LRP1B: variants seen among roughly 807,000 people sequenced by gnomAD.
LRP1B encodes low-density lipoprotein receptor-related protein 1B.
In LRP1B, 217 loss-of-function variants were observed where a neutral mutation model predicts 556.6. That is an observed-to-expected ratio of 0.39 (90% CI 0.35 to 0.44). The LOEUF is 0.44. Among genes scored for constraint, LRP1B ranks in the 20% least tolerant of loss-of-function variants. LRP1B has a pLI of 1.00. For missense variants in LRP1B, 5,053 were observed against 5,620.8 expected, an observed-to-expected ratio of 0.90 and a Z score of 3.23; for synonymous variants, 2,047 against 1,865.8, an observed-to-expected ratio of 1.10 and a Z score of -2.50.
chr2:140,312,208 C>T (rs1236228615), intron 83 of LRP1B, among the ~76,000 whole-genome samples: 2 of 151,966 alleles, frequency 1.3e-5, no homozygotes, highest in Non-Finnish European at 2.9e-5. Flanking sequence ...ATTGCACTTT[C>T]ACTTCTTAAC....
intron 72 of LRP1B, among the ~76,000 whole-genome samples, chr2:140,359,253 A>G (rs139495375): frequency 7.6e-4 from 116 of 151,808 alleles, no homozygotes; most frequent in African/African-American, 1.6e-3. Flanking sequence ...TTATGCCTAC[A>G]ATTATGCAAT....
At chr2:141,140,181 G>C (rs1028625246) in intron 7 of LRP1B, among the ~76,000 whole-genome samples, 1 of 151,942 alleles carries the variant, frequency 6.6e-6, no homozygotes. Flanking sequence ...CTTTCTTAAG[G>C]GGGAGGAAAA....
intron 1 of LRP1B, among the ~76,000 whole-genome samples, chr2:141,845,414 C>A (rs1697612921): frequency 1.3e-5 from 2 of 151,862 alleles, no homozygotes; most frequent in African/African-American, 4.8e-5. Flanking sequence ...TTTATTTAGG[C>A]AAATGCATTA....
chr2:140,588,926 T>G (rs1288844548), intron 43 of LRP1B, among the ~76,000 whole-genome samples: 1 of 108,350 alleles, frequency 9.2e-6, no homozygotes, highest in African/African-American at 4.5e-5. Context: ...CACCACGCAC[T>G]CCATCCAGCC....
chr2:141,439,760 C>T, intron 3 of LRP1B, among the ~76,000 whole-genome samples: 1 of 152,072 alleles, frequency 6.6e-6, no homozygotes, highest in East Asian at 1.9e-4. Flanking sequence ...TCACACACAA[C>T]CTTGATGAGC....
At chr2:141,926,216 A>C (rs1700331314) in intron 1 of LRP1B, among the ~76,000 whole-genome samples, 1 of 152,242 alleles carries the variant, frequency 6.6e-6, no homozygotes. Context: ...AAGAAATACT[A>C]CTGATCCTTG....
At chr2:142,031,330 A>ATTTT (rs560363480) in intron 1 of LRP1B, among the ~76,000 whole-genome samples, 19 of 117,036 alleles carry the variant, frequency 1.6e-4, no homozygotes, top group African/African-American at 4.1e-4. Context: ...GATTATACTT[A>ATTTT]TTTTTTTTTT....
intron 1 of LRP1B, among the ~76,000 whole-genome samples, chr2:142,029,953 A>T (rs572667778): frequency 1.3e-5 from 2 of 151,894 alleles, no homozygotes; most frequent in South Asian, 4.1e-4. Flanking sequence ...AAACTTGCTG[A>T]ACACTGACCT....
intron 2 of LRP1B, among the ~76,000 whole-genome samples, chr2:141,543,248 C>T (rs948742248): frequency 3.9e-5 from 6 of 152,036 alleles, no homozygotes; most frequent in Non-Finnish European, 5.9e-5. Flanking sequence ...GTGGCCCAGG[C>T]CTGTAGTCCC....
intron 2 of LRP1B, among the ~76,000 whole-genome samples, chr2:141,521,181 G>A (rs943475783): frequency 6.6e-6 from 1 of 152,058 alleles, no homozygotes; most frequent in Admixed American, 6.6e-5. Context: ...GGCAGTTTCA[G>A]GTTCTTGGGT....
intron 43 of LRP1B, among the ~76,000 whole-genome samples, chr2:140,554,780 T>C (rs1336067041): frequency 6.6e-6 from 1 of 151,816 alleles, no homozygotes; most frequent in East Asian, 1.9e-4. Flanking sequence ...AATAAATGAG[T>C]GATTAAAAAA....
At chr2:140,427,557 G>A (rs1054307089) in intron 66 of LRP1B, among the ~76,000 whole-genome samples, 37 of 152,154 alleles carry the variant, frequency 2.4e-4, no homozygotes, top group African/African-American at 8.2e-4. Context: ...GCCAGAAAAC[G>A]GCACTTTCAA....
At chr2:140,755,967 T>C (rs1032123006) in intron 35 of LRP1B, among the ~76,000 whole-genome samples, 1 of 151,850 alleles carries the variant, frequency 6.6e-6, no homozygotes, top group East Asian at 1.9e-4. Context: ...TCCTAAGGGA[T>C]CCACTAAAAA....
intron 20 of LRP1B, among the ~76,000 whole-genome samples, chr2:140,927,692 A>G (rs1694926822): frequency 6.9e-6 from 1 of 144,124 alleles, no homozygotes. Context: ...GAGGCAGATT[A>G]GTATTACGAG....
chr2:141,655,326 G>A (rs1029015648), intron 2 of LRP1B, among the ~76,000 whole-genome samples: 2 of 152,118 alleles, frequency 1.3e-5, no homozygotes, highest in Admixed American at 6.5e-5. Context: ...TAATAAGGAA[G>A]GAGGAGAGTC....
intron 7 of LRP1B, among the ~76,000 whole-genome samples, chr2:141,086,098 A>C (rs1574059144): frequency 1.3e-5 from 2 of 152,248 alleles, no homozygotes; most frequent in Non-Finnish European, 1.5e-5. Context: ...TGCTTAACTG[A>C]CTATTATCCA....
intron 3 of LRP1B, among the ~76,000 whole-genome samples, chr2:141,474,894 T>C (rs1026296939): frequency 2.0e-5 from 3 of 152,210 alleles, no homozygotes; most frequent in Non-Finnish European, 4.4e-5. Context: ...TGTTATTCTC[T>C]TAGATTTAAA....
At chr2:142,117,712 T>A (rs1248739993) in intron 1 of LRP1B, among the ~76,000 whole-genome samples, 1 of 152,110 alleles carries the variant, frequency 6.6e-6, no homozygotes, top group African/African-American at 2.4e-5. Context: ...ATATTTTCCA[T>A]AAAAATTCAG....
chr2:141,991,922 T>C (rs1702354831), intron 1 of LRP1B, among the ~76,000 whole-genome samples: 1 of 152,104 alleles, frequency 6.6e-6, no homozygotes, highest in South Asian at 2.1e-4. Context: ...TGACACTCTA[T>C]AGTCATTCAT....
Sources: allele counts gnomAD v4.1 joint callset (sites outside exome capture counted in the v4.1 genomes callset), GRCh38; gene constraint gnomAD v4.1.1; transcripts MANE v1.5; gene names NCBI Gene and HGNC (gene_info 2026-07-23, HGNC 2026-07-21).